The following AGPAT3 variants were observed in gnomAD, a reference collection of about 807,000 sequenced individuals.
The protein encoded by AGPAT3 is 1-acyl-sn-glycerol-3-phosphate acyltransferase gamma.
A neutral mutation model predicts 47.3 loss-of-function variants in AGPAT3; 5 were observed. The observed-to-expected ratio is 0.11, with a 90% CI of 0.06 to 0.22. AGPAT3 has a LOEUF of 0.22. AGPAT3 is among the 10% of genes least tolerant of loss of function. AGPAT3 has a pLI of 1.00. For missense variants in AGPAT3, 315 were observed against 493.0 expected, an observed-to-expected ratio of 0.64 and a Z score of 3.42; for synonymous variants, 212 against 208.3, an observed-to-expected ratio of 1.02 and a Z score of -0.15.
At chr21:43,929,340 C>T (rs2087163305) in intron 2 of AGPAT3, among the ~76,000 whole-genome samples, 1 of 152,200 alleles carries the variant, frequency 6.6e-6, no homozygotes, top group Non-Finnish European at 1.5e-5. Flanking sequence ...GCGCCCTGTC[C>T]CCATGTGGAT....
At position 43,970,516 on chromosome 21, in the gene AGPAT3, C is replaced by T; in HGVS notation, c.511-137C>T. 1.2e-6 allele frequency: 1 copy of T among 846,008 alleles called. No homozygotes were observed. Among genetic ancestry groups the T allele is most frequent in the Non-Finnish European group, 1.8e-6 (1 of 552,676 alleles). 52.4% of individuals were successfully genotyped at this position (846,008 alleles called of 1,614,324 possible). A position where few individuals can be genotyped will look rare whatever the true frequency, so the allele number is the denominator to read the frequency against. On this transcript the variant is annotated intron_variant, in intron 5 of 9. Transcript: ENST00000291572. The surrounding 1 kb of genome is among the most constrained non-coding windows in gnomAD (Gnocchi z 5.8). ...AAGAACCTTTCAGTCATAACCCATG[C>T]TGCTCGCTAAAGCGGTTCCAAGATT... is the stretch of plus-strand genomic sequence containing the variant.
At chr21:43,961,637 C>T (rs1467298148) in intron 3 of AGPAT3, among the ~76,000 whole-genome samples, 3 of 149,470 alleles carry the variant, frequency 2.0e-5, no homozygotes, top group Admixed American at 2.0e-4. Context: ...AAACGGTGAG[C>T]GCGTATACGC....
At chr21:43,895,734 C>T (rs934572692) in intron 1 of AGPAT3, among the ~76,000 whole-genome samples, 19 of 151,898 alleles carry the variant, frequency 1.3e-4, no homozygotes, top group African/African-American at 3.4e-4. Flanking sequence ...TACAGGCAAC[C>T]GCCACCACAC....
rs1384327006 is a variant in AGPAT3 at position 43,930,160 on chromosome 21, G to GGAGA, written c.-49+26143_-49+26146dup. Among the ~76,000 whole-genome samples, 2 of 152,216 alleles carry GGAGA rather than the reference G, an allele frequency of 1.3e-5. No individual in the cohort carries two copies. The highest frequency in any genetic ancestry group is 2.4e-5 in the African/African-American group (1 of 41,442). On this transcript the variant is annotated intron_variant, in intron 2 of 9. Coordinates refer to ENST00000291572, the MANE Select transcript of AGPAT3 (RefSeq NM_020132.5). The surrounding 1 kb of genome is among the most constrained non-coding windows in gnomAD (Gnocchi z 5.0). ...ATAGAGTTATCAACCGTCACTCCAC[G>GGAGA]GAGAGTCTAAGGCAGAGAGAAGTTG...
chr21:43,907,642 G>C (rs559615712), intron 2 of AGPAT3, among the ~76,000 whole-genome samples: 1 of 152,118 alleles, frequency 6.6e-6, no homozygotes, highest in Non-Finnish European at 1.5e-5. Context: ...GCGTGAACCC[G>C]GGAGGCGGAG....
At chr21:43,950,571 T>G (rs2146483860) in intron 2 of AGPAT3, 1 of 152,368 alleles carries the variant, frequency 6.6e-6, no homozygotes, top group East Asian at 1.9e-4. Flanking sequence ...CCGCCCTCTC[T>G]CAGCATTCGG....
chr21:43,928,129 A>G (rs1473435192), intron 2 of AGPAT3, among the ~76,000 whole-genome samples: 1 of 152,134 alleles, frequency 6.6e-6, no homozygotes, highest in African/African-American at 2.4e-5. Flanking sequence ...CACTCGGCCC[A>G]CCGGAAGCTG....
rs746902461 is a variant in AGPAT3, at chr21:43,978,068, C to T, written c.790C>T (p.Pro264Ser). Reference sequence around the variant, plus strand: ...CAGGAGATTTCCTCTGGAAGACATCCCGCTGGATGAAAAGGAAGCAGCTCA... The same window carrying T: ...CAGGAGATTTCCTCTGGAAGACATCTCGCTGGATGAAAAGGAAGCAGCTCA... Reference protein sequence around the residue: ...CVRRFPLEDIPLDEKEAAQWL... With the variant: ...CVRRFPLEDISLDEKEAAQWL... The change falls in exon 8 of 10, where the codon CCG becomes TCG. Residue 264 changes from proline (P) to serine (S), a missense_variant. Coordinates refer to ENST00000291572, the MANE Select transcript of AGPAT3 (RefSeq NM_020132.5). 4 of 1,613,508 alleles carry T rather than the reference C, an allele frequency of 2.5e-6. No individual in the cohort carries two copies. Among genetic ancestry groups the T allele is most frequent in the Non-Finnish European group, 3.4e-6 (4 of 1,179,810 alleles).
intron 2 of AGPAT3, among the ~76,000 whole-genome samples, chr21:43,951,529 T>C (rs1314989408): frequency 2.0e-5 from 3 of 152,172 alleles, no homozygotes; most frequent in African/African-American, 7.2e-5. Context: ...GACATCTTCT[T>C]CCTGGACCCC....
In AGPAT3 at chr21:43,939,551, G is replaced by A. The variant is rs143499162; in HGVS notation, c.-48-20083G>A. Reference sequence around the variant, plus strand: ...TGAACATGGGACCCGGAGCACCACCGTTTAGCAAACCTTGCTGCAGTTTGG... The same window carrying A: ...TGAACATGGGACCCGGAGCACCACCATTTAGCAAACCTTGCTGCAGTTTGG... On this transcript the variant is annotated intron_variant, in intron 2 of 9. Transcript: ENST00000291572. The surrounding 1 kb of genome is among the most constrained non-coding windows in gnomAD (Gnocchi z 4.4). Among the ~76,000 whole-genome samples, 101 of 152,306 alleles carry A rather than the reference G, an allele frequency of 6.6e-4. 1 individual carries two copies. In the Middle Eastern group the frequency reaches 0.024, roughly 36 times the overall value.
rs2030264519 is a variant in AGPAT3, at chr21:43,986,088, G to A, written c.*3696G>A. 6.6e-6 allele frequency: 1 copy of A among 152,244 alleles called. No homozygotes were observed. The highest frequency in any genetic ancestry group is 2.4e-5 in the African/African-American group (1 of 41,450). 9.4% of individuals were successfully genotyped at this position (152,244 alleles called of 1,614,324 possible). On this transcript the variant is annotated 3_prime_UTR_variant, in exon 10 of 10. Coordinates refer to ENST00000291572, the MANE Select transcript of AGPAT3 (RefSeq NM_020132.5). The stretch of plus-strand genomic sequence containing the variant: ...CCGTGGGGCCGACCTGGGGGATGCA[G>A]ACATCCGGCTCCGTATTCCTGCCTA...
intron 1 of AGPAT3, among the ~76,000 whole-genome samples, chr21:43,889,503 A>T (rs1179197202): frequency 1.3e-5 from 2 of 152,160 alleles, no homozygotes; most frequent in Non-Finnish European, 2.9e-5. Context: ...CTTTTTCATA[A>T]ATTACTGGAT....
At chr21:43,972,231 G>A (rs191826387) in intron 7 of AGPAT3, among the ~76,000 whole-genome samples, 18 of 152,062 alleles carry the variant, frequency 1.2e-4, no homozygotes, top group East Asian at 7.7e-4. Flanking sequence ...TGCAACCTCC[G>A]CCTCCCCGGT....
intron 7 of AGPAT3, among the ~76,000 whole-genome samples, chr21:43,975,963 A>G (rs1453887843): frequency 1.1e-4 from 17 of 148,956 alleles, no homozygotes; most frequent in Non-Finnish European, 2.5e-4. Context: ...TGTGGGAGGC[A>G]GGGATGTGTG....
Position 43,907,574 on chromosome 21 carries a change from G to A in AGPAT3, c.-49+3555G>A, listed in dbSNP as rs1422335704. On this transcript the variant is annotated intron_variant, in intron 2 of 9. Coordinates refer to ENST00000291572, the MANE Select transcript of AGPAT3 (RefSeq NM_020132.5). ...CTACTAAAAATACAAAAAATTAGCT[G>A]GGCGTGGTGGCGGGCACTTGTAGTC... 2.6e-5 allele frequency among the ~76,000 whole-genome samples: 4 copies of A among 152,076 alleles called. No individual in the cohort carries two copies. The East Asian group carries it at 7.7e-4, about 29-fold the overall frequency.
intron 1 of AGPAT3, among the ~76,000 whole-genome samples, chr21:43,896,184 G>A (rs1320274220): frequency 5.3e-5 from 8 of 152,232 alleles, no homozygotes; most frequent in African/African-American, 1.9e-4. Context: ...GATTACAGGG[G>A]TGAGCCACCA....
Position 43,907,549 on chromosome 21 carries a change from C to G in AGPAT3, c.-49+3530C>G, listed in dbSNP as rs576052009. Among the ~76,000 whole-genome samples, 3 of 152,262 alleles carry G rather than the reference C, an allele frequency of 2.0e-5. No individual in the cohort carries two copies. In the South Asian group the frequency reaches 6.2e-4, roughly 32 times the overall value. On this transcript the variant is annotated intron_variant, in intron 2 of 9. Transcript: ENST00000291572. ...TGGCTAACACGGTGAAACCCCATCT[C>G]TACTAAAAATACAAAAAATTAGCTG...
chr21:43,876,847 G>T (rs976386853), intron 1 of AGPAT3, among the ~76,000 whole-genome samples: 3 of 151,830 alleles, frequency 2.0e-5, no homozygotes, highest in Non-Finnish European at 4.4e-5. Flanking sequence ...GTTTTGTTTT[G>T]TTTTTTGTTT....
rs1250971548 is a variant in AGPAT3, at chr21:43,983,217, C to G, written c.*825C>G. ...GGGGAGGGAGGACCCTCGGGGCTAC[C>G]GCGCGCCCCCCCATCCCACAGATCA... On this transcript the variant is annotated 3_prime_UTR_variant, in exon 10 of 10. Coordinates refer to ENST00000291572, the MANE Select transcript of AGPAT3 (RefSeq NM_020132.5). The G allele has an allele frequency of 2.0e-5, 3 of 152,276 alleles. No homozygotes were observed. Among genetic ancestry groups the G allele is most frequent in the Admixed American group, 6.5e-5 (1 of 15,284 alleles). 9.4% of individuals were successfully genotyped at this position (152,276 alleles called of 1,614,324 possible). A position where few individuals can be genotyped will look rare whatever the true frequency, so the allele number is the denominator to read the frequency against.
Sources: allele counts gnomAD v4.1 joint callset (sites outside exome capture counted in the v4.1 genomes callset), GRCh38; gene constraint gnomAD v4.1.1; non-coding constraint Gnocchi (gnomAD v3.1); transcripts MANE v1.5; gene names NCBI Gene and HGNC (gene_info 2026-07-23, HGNC 2026-07-21).